The following CPT1A variants were observed in gnomAD, a reference collection of about 807,000 sequenced individuals.
The protein encoded by CPT1A is carnitine O-palmitoyltransferase 1, liver isoform.
A neutral mutation model predicts 100.8 loss-of-function variants in CPT1A; 64 were observed. That is an observed-to-expected ratio of 0.63 (90% confidence interval 0.52 to 0.78). The LOEUF (loss-of-function observed/expected upper bound fraction) is 0.78, where lower values mean the gene tolerates loss of function less well. Among genes scored for constraint, CPT1A ranks in the 30% least tolerant of loss-of-function variants. CPT1A has a pLI of 0.00. For missense variants in CPT1A, 802 were observed against 1,034.1 expected (o/e 0.78, Z 3.08); for synonymous variants, 363 against 396.0 (o/e 0.92, Z 0.99).
At chr11:68,841,967 G>A (rs1163433694), upstream of CPT1A, 16 of 985,194 alleles carry the variant, frequency 1.6e-5, no homozygotes, top group Non-Finnish European at 1.9e-5. The surrounding 1 kb of genome is among the most constrained non-coding windows in gnomAD (Gnocchi z 6.3). Flanking sequence ...CTCCCGGCGC[G>A]CGGAGGGCGG....
rs1428251934 is a variant in CPT1A, at chr11:68,841,456, G to T, written c.-14+319C>A. 1.4e-5 allele frequency among the ~76,000 whole-genome samples: 2 copies of T among 147,800 alleles called. No homozygotes were observed. The highest frequency in any genetic ancestry group is 6.7e-5 in the Admixed American group (1 of 14,926). ...CCGGTGGCCCCGCTGGCCCCGGGCC[G>T]GAGGCGTCCAGCCAAGTCCGGAGGG... On this transcript the variant is annotated intron_variant, in intron 1 of 18. Coordinates refer to ENST00000265641, the MANE Select transcript of CPT1A (RefSeq NM_001876.4). The surrounding 1 kb of genome is among the most constrained non-coding windows in gnomAD (Gnocchi z 6.3).
chr11:68,761,710 G>A (rs552887404), intron 15 of CPT1A, 23 bp from the exon 16 acceptor site: 1 of 1,613,978 alleles, frequency 6.2e-7, no homozygotes, highest in East Asian at 2.2e-5. Context: ...AGGTGGGAAG[G>A]ACATATGTTG....
intron 3 of CPT1A, among the ~76,000 whole-genome samples, chr11:68,809,834 CACTTCTATATATAATCCAGTTTTAAG>C (rs1856149413): frequency 6.6e-6 from 1 of 152,190 alleles, no homozygotes; most frequent in South Asian, 2.1e-4. Flanking sequence ...AAACAGTCAA[CACTTCTATATATAATCCAGTTTTAAG>C]AGAGCGCCTA....
At chr11:68,768,146 G>A (rs921367564) in intron 14 of CPT1A, among the ~76,000 whole-genome samples, 2 of 125,928 alleles carry the variant, frequency 1.6e-5, no homozygotes, top group African/African-American at 6.1e-5. Flanking sequence ...TGCGATCTCG[G>A]CTCACTGGAA....
intron 12 of CPT1A, among the ~76,000 whole-genome samples, chr11:68,777,184 T>C (rs1273587210): frequency 1.3e-5 from 2 of 151,890 alleles, no homozygotes; most frequent in Admixed American, 6.6e-5. Context: ...AATCCCAGCA[T>C]GTTGGGAGGC....
At chr11:68,800,490 CAA>C (rs57450875) in intron 5 of CPT1A, among the ~76,000 whole-genome samples, 3,448 of 78,890 alleles carry the variant, frequency 0.044, 137 homozygotes, top group African/African-American at 0.13. Flanking sequence ...CCCATCTCTG[CAA>C]AAAAAAAAAA....
intron 14 of CPT1A, 118 bp downstream of exon 14, chr11:68,773,147 A>C (rs1318374169): frequency 1.3e-6 from 2 of 1,538,898 alleles, no homozygotes; most frequent in Admixed American, 1.9e-5. Context: ...GGTCGGGGGG[A>C]GCTGTGCTTC....
chr11:68,834,430 C>T (rs1339541739), intron 1 of CPT1A, among the ~76,000 whole-genome samples: 4 of 151,322 alleles, frequency 2.6e-5, no homozygotes, highest in South Asian at 2.1e-4. Flanking sequence ...AGGGAGACTT[C>T]GTCTCAAAAA....
chr11:68,822,251 G>T (rs1856604614), intron 1 of CPT1A, among the ~76,000 whole-genome samples: 1 of 152,022 alleles, frequency 6.6e-6, no homozygotes, highest in Non-Finnish European at 1.5e-5. Flanking sequence ...TAAAAATTGG[G>T]CCAGGTGCAG....
intron 10 of CPT1A, among the ~76,000 whole-genome samples, chr11:68,783,570 C>G (rs550623578): frequency 6.6e-6 from 1 of 152,228 alleles, no homozygotes; most frequent in Non-Finnish European, 1.5e-5. Context: ...CTGCCCCTCC[C>G]GCCTTACTCC....
At chr11:68,821,044 G>A (rs1856568823) in intron 1 of CPT1A, among the ~76,000 whole-genome samples, 1 of 152,312 alleles carries the variant, frequency 6.6e-6, no homozygotes, top group African/African-American at 2.4e-5. Context: ...CCCCAGGTGG[G>A]AGTTCAGTGG....
intron 5 of CPT1A, among the ~76,000 whole-genome samples, chr11:68,802,309 G>T (rs1566368690): frequency 6.6e-6 from 1 of 151,488 alleles, no homozygotes; most frequent in African/African-American, 2.4e-5. Flanking sequence ...TAAAAACAAA[G>T]AAATGGAGCT....
chr11:68,789,389 C>T (rs945257972), intron 9 of CPT1A, among the ~76,000 whole-genome samples: 1 of 151,874 alleles, frequency 6.6e-6, no homozygotes, highest in Non-Finnish European at 1.5e-5. Flanking sequence ...TGCTCATATA[C>T]ATTTACCTTT....
chr11:68,812,355 A>G (rs1336834519), intron 3 of CPT1A, 82 bp downstream of exon 3: 1 of 1,546,822 alleles, frequency 6.5e-7, no homozygotes, highest in African/African-American at 1.4e-5. Context: ...AACAGTGACA[A>G]TCATCACATT....
At chr11:68,837,061 CTTTTT>C (rs1371181409) in intron 1 of CPT1A, among the ~76,000 whole-genome samples, 3 of 151,940 alleles carry the variant, frequency 2.0e-5, no homozygotes, top group Admixed American at 6.6e-5. Flanking sequence ...CTTTTCTTTT[CTTTTT>C]TGAGACGGAG....
intron 11 of CPT1A, 56 bp downstream of exon 11, chr11:68,781,715 G>A (rs1383630467): frequency 6.9e-6 from 10 of 1,459,420 alleles, no homozygotes; most frequent in African/African-American, 1.4e-5. Context: ...GGCACACAGG[G>A]TATTTCTTCC....
At chr11:68,766,444 T>C (rs1293048278) in intron 14 of CPT1A, among the ~76,000 whole-genome samples, 3 of 152,208 alleles carry the variant, frequency 2.0e-5, no homozygotes, top group Non-Finnish European at 4.4e-5. Context: ...AAATCTGATG[T>C]ATACTTTTAA....
chr11:68,828,588 C>A (rs559646984), intron 1 of CPT1A, among the ~76,000 whole-genome samples: 1 of 152,180 alleles, frequency 6.6e-6, no homozygotes, highest in Non-Finnish European at 1.5e-5. Flanking sequence ...AGCCCCAGCA[C>A]GCTGGGAGAA....
At chr11:68,782,022 G>T in intron 10 of CPT1A, 63 bp from the exon 11 acceptor site, 1 of 1,435,618 alleles carries the variant, frequency 7.0e-7, no homozygotes, top group South Asian at 1.2e-5. Context: ...CGTGATGTTT[G>T]AAATGACACA....
Sources: gnomAD v4.1 joint callset for allele counts (sites outside exome capture counted in the v4.1 genomes callset) on GRCh38, gnomAD v4.1.1 for gene constraint, Gnocchi (gnomAD v3.1) non-coding constraint, MANE v1.5 for transcripts, NCBI Gene and HGNC (gene_info 2026-07-23, HGNC 2026-07-21) for gene names.